The following CXCL13 variants were observed in gnomAD, a reference collection of about 807,000 sequenced individuals.
The protein encoded by CXCL13 is C-X-C motif chemokine ligand 13.
Under a neutral mutation model 12.2 loss-of-function variants are expected in CXCL13, and 7 were observed. The ratio of observed to expected loss-of-function variants is 0.57; its 90% CI spans 0.33 to 1.07. The LOEUF is 1.07. Ranked by LOEUF, CXCL13 falls within the 50% of genes least tolerant of loss-of-function variation. The probability of loss-of-function intolerance (pLI) is 0.04; values close to 1 mark genes in which losing one functional copy is unlikely to be tolerated. For missense variants in CXCL13, 113 were observed against 127.4 expected (o/e 0.89, Z 0.55); for synonymous variants, 47 against 42.4 (o/e 1.11, Z -0.42).
intron 1 of CXCL13, among the ~76,000 whole-genome samples, chr4:77,562,032 C>T (rs1031014430): frequency 1.2e-4 from 18 of 152,256 alleles, no homozygotes; most frequent in South Asian, 1.0e-3. Flanking sequence ...GCGGAGGGTG[C>T]GCCGGGTCCC....
intron 1 of CXCL13, among the ~76,000 whole-genome samples, chr4:77,540,727 A>C (rs951980600): frequency 2.0e-5 from 3 of 152,206 alleles, no homozygotes; most frequent in Non-Finnish European, 4.4e-5. Flanking sequence ...TGTGATGAAC[A>C]TGCAAGTGCG....
intron 1 of CXCL13, among the ~76,000 whole-genome samples, chr4:77,563,396 T>G (rs1263052306): frequency 6.6e-6 from 1 of 152,220 alleles, no homozygotes; most frequent in East Asian, 1.9e-4. Flanking sequence ...TAATGTCCAA[T>G]GTACTAATCT....
intron 1 of CXCL13, among the ~76,000 whole-genome samples, chr4:77,519,394 T>C (rs753768636): frequency 3.9e-5 from 6 of 152,202 alleles, no homozygotes; most frequent in Non-Finnish European, 7.3e-5. Flanking sequence ...GAGCTGTTCC[T>C]ATTCGGCCAT....
chr4:77,594,406 G>A (rs932032794), intron 1 of CXCL13, among the ~76,000 whole-genome samples: 1 of 152,104 alleles, frequency 6.6e-6, no homozygotes, highest in Non-Finnish European at 1.5e-5. Context: ...TACAAACAGG[G>A]ACAACAATTA....
In CXCL13 at chr4:77,564,866, C is replaced by A. The variant is rs530292647; in HGVS notation, c.-42-40958C>A. ...AAAGGCTGTGTCCCTGTGGTGCAAT[C>A]CTTTGTGGAGCAAAGTTCCCCATTT... On this transcript the variant is annotated intron_variant, in intron 1 of 4. Coordinates refer to the CXCL13 transcript ENST00000286758. Among the ~76,000 whole-genome samples, 17 of 152,314 alleles carry A rather than the reference C, an allele frequency of 1.1e-4. No homozygotes were observed. The East Asian group carries it at 3.3e-3, about 29-fold the overall frequency.
intron 1 of CXCL13, among the ~76,000 whole-genome samples, chr4:77,563,887 G>A (rs375706816): frequency 4.9e-4 from 74 of 152,262 alleles, no homozygotes; most frequent in African/African-American, 1.7e-3. Flanking sequence ...ATAAAAGTGA[G>A]GGAAAACTCG....
At chr4:77,514,259 T>G (rs1259918991) in intron 1 of CXCL13, among the ~76,000 whole-genome samples, 1 of 152,144 alleles carries the variant, frequency 6.6e-6, no homozygotes, top group East Asian at 1.9e-4. Flanking sequence ...AGTGCTGCAA[T>G]AAACATATGT....
intron 1 of CXCL13, among the ~76,000 whole-genome samples, chr4:77,514,762 T>C (rs1454640895): frequency 6.6e-6 from 1 of 152,234 alleles, no homozygotes; most frequent in Non-Finnish European, 1.5e-5. Flanking sequence ...GGGATGCCTG[T>C]TCACTCTGAT....
intron 1 of CXCL13, among the ~76,000 whole-genome samples, chr4:77,578,362 G>A (rs1726242379): frequency 6.6e-6 from 1 of 152,172 alleles, no homozygotes; most frequent in Non-Finnish European, 1.5e-5. Context: ...TCCCAAAACA[G>A]CGCCCCCTGT....
chr4:77,529,529 C>G, intron 1 of CXCL13, among the ~76,000 whole-genome samples: 1 of 152,140 alleles, frequency 6.6e-6, no homozygotes, highest in East Asian at 1.9e-4. Flanking sequence ...GTATTTTATT[C>G]TCTTTGAAGC....
At chr4:77,531,780 G>A (rs1033410964) in intron 1 of CXCL13, among the ~76,000 whole-genome samples, 3 of 152,144 alleles carry the variant, frequency 2.0e-5, no homozygotes, top group African/African-American at 4.8e-5. Context: ...TTGTTGAATT[G>A]ATCCCTTTAC....
intron 1 of CXCL13, among the ~76,000 whole-genome samples, chr4:77,522,222 A>G (rs1188274574): frequency 2.0e-5 from 3 of 152,146 alleles, no homozygotes; most frequent in African/African-American, 7.2e-5. Flanking sequence ...GATGTCTATT[A>G]GGTCTGCTTG....
intron 2 of CXCL13, among the ~76,000 whole-genome samples, chr4:77,608,923 A>G (rs1453948504): frequency 3.3e-5 from 5 of 152,204 alleles, no homozygotes; most frequent in Admixed American, 2.6e-4. Flanking sequence ...CAAGGAAGGT[A>G]ATGCACCTTA....
At chr4:77,532,059 AT>A (rs1724941355) in intron 1 of CXCL13, among the ~76,000 whole-genome samples, 2 of 152,126 alleles carry the variant, frequency 1.3e-5, no homozygotes, top group Admixed American at 6.6e-5. Context: ...TAAGGTTAAT[AT>A]TGTTATGTGT....
intron 1 of CXCL13, among the ~76,000 whole-genome samples, chr4:77,561,240 G>C (rs773258320): frequency 4.6e-5 from 7 of 152,116 alleles, no homozygotes; most frequent in East Asian, 1.9e-4. Context: ...TTACCTGGAG[G>C]CCTGTTAGAA....
upstream of CXCL13, among the ~76,000 whole-genome samples, chr4:77,605,357 T>TG (rs1441553115): frequency 6.6e-6 from 1 of 152,220 alleles, no homozygotes; most frequent in African/African-American, 2.4e-5. Flanking sequence ...GAGACATTCA[T>TG]TTGCTGTGCA....
chr4:77,527,956 T>A (rs1198558240), intron 1 of CXCL13, among the ~76,000 whole-genome samples: 1 of 150,472 alleles, frequency 6.6e-6, no homozygotes, highest in Non-Finnish European at 1.5e-5. Context: ...CAGGCCCTGG[T>A]GTGTGATGTT....
intron 1 of CXCL13, among the ~76,000 whole-genome samples, chr4:77,529,280 A>G (rs570866104): frequency 3.0e-4 from 46 of 152,264 alleles, no homozygotes; most frequent in African/African-American, 8.7e-4. Flanking sequence ...TTGGTTCCAT[A>G]TGAACTTTAA....
At chr4:77,555,735 A>G (rs1021753504) in intron 1 of CXCL13, among the ~76,000 whole-genome samples, 3 of 152,142 alleles carry the variant, frequency 2.0e-5, no homozygotes, top group African/African-American at 7.2e-5. Flanking sequence ...CTTTTATCTG[A>G]TGAAAGACCT....
Sources: gnomAD v4.1 joint callset for allele counts (sites outside exome capture counted in the v4.1 genomes callset) on GRCh38, gnomAD v4.1.1 for gene constraint, MANE v1.5 for transcripts, NCBI Gene and HGNC (gene_info 2026-07-23, HGNC 2026-07-21) for gene names.